GLRA3: variants seen among roughly 807,000 people sequenced by gnomAD.
GLRA3 encodes the protein glycine receptor alpha 3.
Under a neutral mutation model 60.4 loss-of-function variants are expected in GLRA3, and 44 were observed. The ratio of observed to expected loss-of-function variants is 0.73; its 90% CI spans 0.57 to 0.94. The LOEUF is 0.94. GLRA3 is among the 40% of genes least tolerant of loss of function. GLRA3 has a pLI of 0.00. For missense variants in GLRA3, 508 were observed against 564.6 expected (o/e 0.90, Z 1.02); for synonymous variants, 223 against 192.9 (o/e 1.16, Z -1.29).
chr4:174,716,939 G>A lies in GLRA3; in HGVS notation c.492-1369C>T, dbSNP rs370031450. Among the ~76,000 whole-genome samples, 10 of 152,104 alleles carry A rather than the reference G, an allele frequency of 6.6e-5. No individual in the cohort carries two copies. The East Asian group carries it at 1.2e-3, about 18-fold the overall frequency. ...TATTTAGCCAGGCGTGGTGTCTTAC[G>A]CCTGTAATTCCAGCGCTTTGGGAGG... is the stretch of plus-strand genomic sequence containing the variant. On this transcript the variant is annotated intron_variant, in intron 4 of 9. Transcript: ENST00000274093.
intron 4 of GLRA3, among the ~76,000 whole-genome samples, chr4:174,720,607 C>T (rs987710054): frequency 6.6e-6 from 1 of 152,134 alleles, no homozygotes; most frequent in African/African-American, 2.4e-5. Flanking sequence ...AGCTTGTATG[C>T]CAAGACTGCA....
chr4:174,827,950 G>T (rs1436934104), intron 1 of GLRA3, among the ~76,000 whole-genome samples: 1 of 151,936 alleles, frequency 6.6e-6, no homozygotes, highest in East Asian at 1.9e-4. Flanking sequence ...TTATATTGGT[G>T]GGTCAAAATT....
chr4:174,809,679 A>G (rs1475722701), intron 1 of GLRA3, among the ~76,000 whole-genome samples: 1 of 152,062 alleles, frequency 6.6e-6, no homozygotes, highest in Non-Finnish European at 1.5e-5. Flanking sequence ...GTTGCAATGA[A>G]CCAAGATTGT....
chr4:174,787,022 G>T (rs765816995), intron 2 of GLRA3, among the ~76,000 whole-genome samples: 1 of 151,880 alleles, frequency 6.6e-6, no homozygotes. Context: ...ATCCTTGGGG[G>T]TCCTTTCCTG....
intron 2 of GLRA3, among the ~76,000 whole-genome samples, chr4:174,778,706 AG>A (rs1738717986): frequency 6.6e-6 from 1 of 152,192 alleles, no homozygotes. Flanking sequence ...AGTCAAAGAA[AG>A]GGGTGACGCA....
At chr4:174,751,763 G>T (rs1737495175) in intron 3 of GLRA3, among the ~76,000 whole-genome samples, 1 of 151,828 alleles carries the variant, frequency 6.6e-6, no homozygotes, top group Non-Finnish European at 1.5e-5. Context: ...TTTCAAAGAG[G>T]ACAGTATGGT....
chr4:174,757,774 G>A (rs1213495635), intron 3 of GLRA3, among the ~76,000 whole-genome samples: 1 of 152,190 alleles, frequency 6.6e-6, no homozygotes, highest in Non-Finnish European at 1.5e-5. Flanking sequence ...ATCCCCTTAA[G>A]TTGGGCTACA....
At chr4:174,828,362 T>C (rs1261402864) in intron 1 of GLRA3, among the ~76,000 whole-genome samples, 1 of 152,146 alleles carries the variant, frequency 6.6e-6, no homozygotes, top group Non-Finnish European at 1.5e-5. Flanking sequence ...AAAAAAGTAA[T>C]GTCTCGTTTC....
At position 174,741,131 on chromosome 4, in the gene GLRA3, T is replaced by C. The variant is rs189942395; in HGVS notation, c.268-12433A>G. Among the ~76,000 whole-genome samples the C allele has an allele frequency of 2.8e-4, 43 of 152,348 alleles. 1 individual carries two copies. In the East Asian group the frequency reaches 7.3e-3, roughly 26 times the overall value. On this transcript the variant is annotated intron_variant, in intron 3 of 9. Coordinates refer to ENST00000274093, the MANE Select transcript of GLRA3 (RefSeq NM_006529.4). ...TACTGGGTCATATTAAGTGCATGTTTACATTTAGAAAAAAAGTGCTAAACT... is the reference window on the plus strand; with the variant it reads ...TACTGGGTCATATTAAGTGCATGTTCACATTTAGAAAAAAAGTGCTAAACT...
chr4:174,759,140 T>A (rs1377395435), intron 3 of GLRA3, among the ~76,000 whole-genome samples: 1 of 152,058 alleles, frequency 6.6e-6, no homozygotes, highest in Non-Finnish European at 1.5e-5. Context: ...TTGCTTTTGT[T>A]GAAACATCAA....
At chr4:174,653,320 AAAAT>A (rs1292654381) in intron 9 of GLRA3, among the ~76,000 whole-genome samples, 2 of 151,896 alleles carry the variant, frequency 1.3e-5, no homozygotes, top group Non-Finnish European at 2.9e-5. Flanking sequence ...TGTCTAAAAT[AAAAT>A]ATTCAGTTTC....
intron 9 of GLRA3, among the ~76,000 whole-genome samples, chr4:174,645,999 A>T (rs892468005): frequency 3.3e-5 from 5 of 152,230 alleles, no homozygotes; most frequent in African/African-American, 9.6e-5. Context: ...TTGTGTAAAA[A>T]TCACCTGAAT....
At chr4:174,647,968 C>T (rs1478346309) in intron 9 of GLRA3, among the ~76,000 whole-genome samples, 3 of 152,266 alleles carry the variant, frequency 2.0e-5, no homozygotes, top group Middle Eastern at 3.4e-3. Context: ...TAGCAGTTCT[C>T]TAGGGAATCC....
At chr4:174,747,505 T>C (rs74588617) in intron 3 of GLRA3, among the ~76,000 whole-genome samples, 3,478 of 152,242 alleles carry the variant, frequency 0.023, 96 homozygotes, top group South Asian at 0.061. Flanking sequence ...ATTTGAGTTT[T>C]AGAAAGATCC....
intron 1 of GLRA3, among the ~76,000 whole-genome samples, chr4:174,802,167 C>A (rs1739839180): frequency 6.6e-6 from 1 of 152,018 alleles, no homozygotes; most frequent in African/African-American, 2.4e-5. Context: ...TCTCATTTCT[C>A]ATCCTTGTGC....
intron 3 of GLRA3, among the ~76,000 whole-genome samples, chr4:174,750,498 A>G (rs1737428008): frequency 6.6e-6 from 1 of 152,130 alleles, no homozygotes; most frequent in Admixed American, 6.6e-5. Context: ...GTACCCTAAG[A>G]GGGCCCATTT....
At chr4:174,654,877 TG>T (rs1733143537) in intron 9 of GLRA3, among the ~76,000 whole-genome samples, 1 of 151,946 alleles carries the variant, frequency 6.6e-6, no homozygotes, top group Non-Finnish European at 1.5e-5. Flanking sequence ...TGGGACAGTG[TG>T]GGGTGGGGAA....
chr4:174,804,699 G>A (rs551609150), intron 1 of GLRA3, among the ~76,000 whole-genome samples: 31 of 152,224 alleles, frequency 2.0e-4, no homozygotes, highest in African/African-American at 7.0e-4. Context: ...TTTAATAGGC[G>A]AAAGCAAGAG....
chr4:174,642,374 G>A lies in GLRA3; in HGVS notation c.*1412C>T, dbSNP rs1732646649. On this transcript the variant is annotated 3_prime_UTR_variant, in exon 10 of 10. Transcript: ENST00000274093. ...CTCTGTGAATAATTTGGTGGACTGAGTTTGTGCATCTGACCAATAATTAAA... is the reference window on the plus strand; with the variant it reads ...CTCTGTGAATAATTTGGTGGACTGAATTTGTGCATCTGACCAATAATTAAA... 1 of 972,828 alleles carries A rather than the reference G, an allele frequency of 1.0e-6. No individual in the cohort carries two copies. Among genetic ancestry groups the A allele is most frequent in the Non-Finnish European group, 1.2e-6 (1 of 818,666 alleles). 60.3% of individuals were successfully genotyped at this position (972,828 alleles called of 1,614,324 possible). A position where few individuals can be genotyped will look rare whatever the true frequency, so the allele number is the denominator to read the frequency against.
Sources: gnomAD v4.1 joint callset for allele counts (sites outside exome capture counted in the v4.1 genomes callset) on GRCh38, gnomAD v4.1.1 for gene constraint, MANE v1.5 for transcripts, NCBI Gene and HGNC (gene_info 2026-07-23, HGNC 2026-07-21) for gene names.